The following IL20RA variants were observed in gnomAD, a reference collection of about 807,000 sequenced individuals.
IL20RA encodes interleukin-20 receptor subunit alpha.
IL20RA carries 29 observed loss-of-function variants against 36.5 expected under a neutral mutation model. That is an observed-to-expected ratio of 0.79 (90% CI 0.59 to 1.08). IL20RA has a LOEUF of 1.08. Among genes scored for constraint, IL20RA ranks in the 50% least tolerant of loss-of-function variants. The probability of loss-of-function intolerance (pLI) is 0.00; values close to 1 mark genes in which losing one functional copy is unlikely to be tolerated. For missense variants in IL20RA, 652 were observed against 668.4 expected (o/e 0.98, Z 0.27); for synonymous variants, 279 against 267.1 (o/e 1.04, Z -0.43).
intron 1 of IL20RA, among the ~76,000 whole-genome samples, chr6:137,043,297 C>T (rs1776769886): frequency 6.6e-6 from 1 of 151,974 alleles, no homozygotes; most frequent in Non-Finnish European, 1.5e-5. Context: ...ACAGGGGTCT[C>T]CGTATGTTGC....
chr6:137,011,239 G>A lies in IL20RA; in HGVS notation c.403+35C>T, dbSNP rs368376233. The A allele has an allele frequency of 7.9e-5, 122 of 1,543,074 alleles. 1 individual carries two copies. Among genetic ancestry groups the A allele is most frequent in the South Asian group, 1.2e-5 (1 of 84,880 alleles). On this transcript the variant is annotated intron_variant, in intron 3 of 6. Transcript: ENST00000316649. Reference sequence around the variant, plus strand: ...ACTGTTAAACCTGATATGAATACATGTTTAACTGACCATTGCAATAATGGC... The same window carrying A: ...ACTGTTAAACCTGATATGAATACATATTTAACTGACCATTGCAATAATGGC...
intron 1 of IL20RA, among the ~76,000 whole-genome samples, chr6:137,040,299 G>A (rs1776641358): frequency 6.9e-6 from 1 of 144,138 alleles, no homozygotes; most frequent in Non-Finnish European, 1.6e-5. Flanking sequence ...CAGAAATATA[G>A]ATGTGTGTGT....
At chr6:137,017,272 T>A (rs1775730934) in intron 1 of IL20RA, among the ~76,000 whole-genome samples, 169 bp from the exon 2 acceptor site, 1 of 152,236 alleles carries the variant, frequency 6.6e-6, no homozygotes, top group Non-Finnish European at 1.5e-5. Flanking sequence ...GCTCTGGGAC[T>A]AAGCCAGGAC....
chr6:137,029,012 T>A (rs2115410676), intron 1 of IL20RA, among the ~76,000 whole-genome samples: 1 of 152,322 alleles, frequency 6.6e-6, no homozygotes, highest in East Asian at 1.9e-4. Flanking sequence ...CTCAATGGGA[T>A]ATTCTGATCA....
intron 1 of IL20RA, among the ~76,000 whole-genome samples, chr6:137,020,750 A>T (rs1445040888): frequency 6.6e-6 from 1 of 152,212 alleles, no homozygotes; most frequent in Non-Finnish European, 1.5e-5. Flanking sequence ...AGTAATAAAC[A>T]TCTTTAACAG....
intron 1 of IL20RA, among the ~76,000 whole-genome samples, chr6:137,025,764 A>T (rs276495): frequency 0.82 from 125,000 of 152,282 alleles, 56,635 homozygotes; most frequent in East Asian, 1. Flanking sequence ...CTCAAAGTGA[A>T]TACTAGGGTT....
At chr6:137,028,551 A>G (rs1164319708) in intron 1 of IL20RA, among the ~76,000 whole-genome samples, 1 of 152,226 alleles carries the variant, frequency 6.6e-6, no homozygotes, top group Non-Finnish European at 1.5e-5. Flanking sequence ...TGAGCAATAC[A>G]TAAGTCATAC....
At chr6:137,044,059 A>G in intron 1 of IL20RA, 12 of 970,766 alleles carry the variant, frequency 1.2e-5, no homozygotes, top group Non-Finnish European at 1.5e-5. Flanking sequence ...CTGCAAAGGA[A>G]ACAACGGCGT....
At chr6:137,017,654 T>G (rs1775750345) in intron 1 of IL20RA, among the ~76,000 whole-genome samples, 1 of 151,106 alleles carries the variant, frequency 6.6e-6, no homozygotes, top group Non-Finnish European at 1.5e-5. Flanking sequence ...AAATTTAGAG[T>G]AGGTGACCCC....
chr6:137,015,427 A>G (rs1486422779), intron 2 of IL20RA, among the ~76,000 whole-genome samples: 2 of 152,206 alleles, frequency 1.3e-5, no homozygotes, highest in East Asian at 3.8e-4. Context: ...CACTCTAACA[A>G]AATTATGGAC....
chr6:137,034,167 T>C (rs1466846021), intron 1 of IL20RA, among the ~76,000 whole-genome samples: 1 of 152,178 alleles, frequency 6.6e-6, no homozygotes, highest in Non-Finnish European at 1.5e-5. Context: ...ACAAAACCCC[T>C]GACTCCTACC....
intron 1 of IL20RA, among the ~76,000 whole-genome samples, chr6:137,040,834 C>G (rs1294821532): frequency 6.6e-6 from 1 of 152,084 alleles, no homozygotes; most frequent in African/African-American, 2.4e-5. Flanking sequence ...CAGTCAAAAT[C>G]CACCGATAGA....
At chr6:137,044,287 G>A in intron 1 of IL20RA, 1 of 1,005,966 alleles carries the variant, frequency 9.9e-7, no homozygotes, top group Non-Finnish European at 1.2e-6. Context: ...CCGGCGAGGG[G>A]CCCCGCATGG....
intron 3 of IL20RA, 86 bp downstream of exon 3, chr6:137,011,188 T>G (rs1775479722): frequency 8.8e-7 from 1 of 1,137,670 alleles, no homozygotes; most frequent in Admixed American, 2.2e-5. Context: ...TACCTTCCTC[T>G]GGGCAAGGCT....
intron 1 of IL20RA, among the ~76,000 whole-genome samples, chr6:137,026,181 C>T (rs953807879): frequency 6.6e-6 from 1 of 152,248 alleles, no homozygotes; most frequent in Non-Finnish European, 1.5e-5. Context: ...CCCAGATGTC[C>T]TACCCCCTTT....
intron 1 of IL20RA, among the ~76,000 whole-genome samples, chr6:137,031,804 C>T (rs1276869705): frequency 6.6e-6 from 1 of 152,126 alleles, no homozygotes; most frequent in East Asian, 1.9e-4. Context: ...CCTGTAGTTA[C>T]AGCATTTTGG....
chr6:137,019,314 A>G (rs528483984), intron 1 of IL20RA, among the ~76,000 whole-genome samples: 1 of 152,122 alleles, frequency 6.6e-6, no homozygotes, highest in African/African-American at 2.4e-5. Context: ...TTTATAGTAG[A>G]GATGGGGTTT....
intron 3 of IL20RA, 54 bp from the exon 4 acceptor site, chr6:137,009,546 G>A: frequency 9.4e-7 from 1 of 1,062,450 alleles, no homozygotes; most frequent in South Asian, 1.3e-5. Context: ...ATTACCTTAG[G>A]TAAAGCTACC....
chr6:137,018,404 G>A (rs1256280798), intron 1 of IL20RA, among the ~76,000 whole-genome samples: 1 of 152,058 alleles, frequency 6.6e-6, no homozygotes, highest in Non-Finnish European at 1.5e-5. Context: ...GTATGCTTGT[G>A]TTATAATTGT....
Sources: allele counts gnomAD v4.1 joint callset (sites outside exome capture counted in the v4.1 genomes callset), GRCh38; gene constraint gnomAD v4.1.1; transcripts MANE v1.5; gene names NCBI Gene and HGNC (gene_info 2026-07-23, HGNC 2026-07-21).